EXOC4: variants seen among roughly 807,000 people sequenced by gnomAD.
EXOC4 encodes the protein exocyst complex component 4.
In EXOC4, 71 loss-of-function variants were observed where a neutral mutation model predicts 107.2. The ratio of observed to expected loss-of-function variants is 0.66; its 90% CI spans 0.55 to 0.81. The LOEUF is 0.81. Among genes scored for constraint, EXOC4 ranks in the 30% least tolerant of loss-of-function variants. The probability of loss-of-function intolerance (pLI) is 0.00; values close to 1 mark genes in which losing one functional copy is unlikely to be tolerated. For missense variants in EXOC4, 1,108 were observed against 1,189.6 expected, an observed-to-expected ratio of 0.93 and a Z score of 1.01; for synonymous variants, 456 against 441.2, an observed-to-expected ratio of 1.03 and a Z score of -0.42.
At chr7:133,472,030 A>G (rs1243775627) in intron 7 of EXOC4, among the ~76,000 whole-genome samples, 1 of 152,210 alleles carries the variant, frequency 6.6e-6, no homozygotes, top group East Asian at 1.9e-4. Flanking sequence ...AGAGAAGGTA[A>G]TCCAGATTAG....
chr7:133,497,214 C>T (rs970234594), intron 9 of EXOC4, among the ~76,000 whole-genome samples: 1 of 152,148 alleles, frequency 6.6e-6, no homozygotes, highest in African/African-American at 2.4e-5. Context: ...AAACATAGGA[C>T]TCAGCTAATC....
At chr7:133,448,389 C>T (rs1227820225) in intron 7 of EXOC4, among the ~76,000 whole-genome samples, 3 of 152,062 alleles carry the variant, frequency 2.0e-5, no homozygotes, top group Admixed American at 2.0e-4. Context: ...CCTTGACCTC[C>T]TGGGCTTAAG....
At chr7:133,481,712 A>T (rs1433707735) in intron 9 of EXOC4, among the ~76,000 whole-genome samples, 2 of 152,212 alleles carry the variant, frequency 1.3e-5, no homozygotes, top group Non-Finnish European at 2.9e-5. Flanking sequence ...TTAGCCTACC[A>T]ACATTTTATT....
intron 5 of EXOC4, among the ~76,000 whole-genome samples, chr7:133,322,530 ATG>A (rs778292297): frequency 1.2e-4 from 18 of 152,020 alleles, no homozygotes; most frequent in Non-Finnish European, 2.4e-4. Context: ...ATGGTTGTAG[ATG>A]TGTGGTGTTA....
chr7:133,537,756 G>A (rs1270753059), intron 9 of EXOC4, among the ~76,000 whole-genome samples: 1 of 152,062 alleles, frequency 6.6e-6, no homozygotes, highest in African/African-American at 2.4e-5. Context: ...AATAATGGTA[G>A]TATAACACTC....
chr7:133,774,673 A>G (rs1269790960), intron 10 of EXOC4, among the ~76,000 whole-genome samples: 3 of 152,084 alleles, frequency 2.0e-5, no homozygotes, highest in Non-Finnish European at 4.4e-5. Flanking sequence ...CTATTTGTGC[A>G]TATTATAGTA....
chr7:133,862,162 T>C (rs1004895705), intron 11 of EXOC4, among the ~76,000 whole-genome samples: 15 of 152,006 alleles, frequency 9.9e-5, no homozygotes, highest in African/African-American at 2.2e-4. Context: ...TTCTTTCTTT[T>C]TTTTTTTTTT....
chr7:133,344,994 G>A (rs1198743616), intron 5 of EXOC4, among the ~76,000 whole-genome samples: 12 of 152,104 alleles, frequency 7.9e-5, no homozygotes, highest in African/African-American at 2.4e-4. Flanking sequence ...CCGAGGACAT[G>A]GTTTTTGTGT....
intron 17 of EXOC4, among the ~76,000 whole-genome samples, chr7:134,008,615 C>T (rs956759267): frequency 1.3e-5 from 2 of 152,008 alleles, no homozygotes; most frequent in African/African-American, 4.8e-5. Flanking sequence ...GAACTCATCA[C>T]TATCCTTTCT....
chr7:133,666,180 AATTTTAAAAGCGAAAAAATTCC>A (rs1002905889), intron 10 of EXOC4, among the ~76,000 whole-genome samples: 102 of 152,264 alleles, frequency 6.7e-4, no homozygotes, highest in African/African-American at 2.4e-3. Context: ...CTGGTTAACT[AATTTTAAAAGCGAAAAAATTCC>A]ATTTTCTCCA....
chr7:133,884,964 A>C (rs1799049360), intron 11 of EXOC4, among the ~76,000 whole-genome samples: 1 of 152,196 alleles, frequency 6.6e-6, no homozygotes, highest in Non-Finnish European at 1.5e-5. Flanking sequence ...CTATTGTAGA[A>C]ATACCCAAGA....
chr7:133,543,118 G>A (rs1800411969), intron 9 of EXOC4, among the ~76,000 whole-genome samples: 2 of 152,180 alleles, frequency 1.3e-5, no homozygotes, highest in Admixed American at 6.5e-5. Flanking sequence ...TCTGGATGGT[G>A]TGGTAAAGGA....
At chr7:133,256,188 A>G (rs1303949186) in intron 1 of EXOC4, among the ~76,000 whole-genome samples, 9 of 152,116 alleles carry the variant, frequency 5.9e-5, no homozygotes, top group Admixed American at 1.3e-4. Flanking sequence ...TCACCATGTT[A>G]GCCAGGATGG....
chr7:133,588,133 T>G (rs1801449611), intron 9 of EXOC4, among the ~76,000 whole-genome samples: 1 of 152,236 alleles, frequency 6.6e-6, no homozygotes, highest in Admixed American at 6.5e-5. Context: ...AAGGCAGGAA[T>G]GCCTTCTGTT....
intron 2 of EXOC4, among the ~76,000 whole-genome samples, chr7:133,280,060 G>A (rs967963520): frequency 1.3e-5 from 2 of 151,510 alleles, no homozygotes; most frequent in African/African-American, 4.9e-5. Context: ...TGGGCTCAAG[G>A]GATCCTCCTG....
At chr7:133,413,895 T>C (rs1489928967) in intron 7 of EXOC4, among the ~76,000 whole-genome samples, 1 of 152,072 alleles carries the variant, frequency 6.6e-6, no homozygotes, top group Non-Finnish European at 1.5e-5. Context: ...TGAATAACTT[T>C]AAAGGGACAT....
intron 17 of EXOC4, among the ~76,000 whole-genome samples, chr7:134,014,016 C>G (rs931564434): frequency 6.6e-6 from 1 of 152,184 alleles, no homozygotes; most frequent in Non-Finnish European, 1.5e-5. Flanking sequence ...CTAGGAATTT[C>G]ACTCCTAGGT....
intron 5 of EXOC4, among the ~76,000 whole-genome samples, chr7:133,344,724 T>C (rs1285611234): frequency 6.6e-6 from 1 of 152,246 alleles, no homozygotes; most frequent in East Asian, 1.9e-4. Context: ...GTGATCTGTC[T>C]AGATACCTTT....
intron 9 of EXOC4, among the ~76,000 whole-genome samples, chr7:133,538,285 C>T (rs1800312447): frequency 6.6e-6 from 1 of 152,058 alleles, no homozygotes; most frequent in South Asian, 2.1e-4. Context: ...ATGGGAGAGC[C>T]CTCATCTCTA....
Sources: allele counts gnomAD v4.1 joint callset (sites outside exome capture counted in the v4.1 genomes callset), GRCh38; gene constraint gnomAD v4.1.1; transcripts MANE v1.5; gene names NCBI Gene and HGNC (gene_info 2026-07-23, HGNC 2026-07-21).